Variants in MTFR1L observed in about 807,000 individuals in gnomAD.
The protein encoded by MTFR1L is mitochondrial fission regulator 1-like.
In MTFR1L, 10 loss-of-function variants were observed where a neutral mutation model predicts 27.9. The ratio of observed to expected loss-of-function variants is 0.36; its 90% CI spans 0.22 to 0.61. The LOEUF (loss-of-function observed/expected upper bound fraction) is 0.61, where lower values mean the gene tolerates loss of function less well. MTFR1L is among the 20% of genes least tolerant of loss of function. The pLI, the probability that MTFR1L is intolerant of heterozygous loss-of-function variation, is 0.73. For synonymous variants in MTFR1L, 151 were observed against 139.4 expected (o/e 1.08, Z -0.58); for missense variants, 315 against 363.7 (o/e 0.87, Z 1.09).
chr1:25,824,796 A>G (rs2048147018), intron 3 of MTFR1L, among the ~76,000 whole-genome samples: 1 of 151,992 alleles, frequency 6.6e-6, no homozygotes, highest in Non-Finnish European at 1.5e-5. Context: ...GGAGACAGCT[A>G]GGGAGTGTGG....
At chr1:25,823,431 C>T (rs2048125664) in intron 2 of MTFR1L, 1 of 769,704 alleles carries the variant, frequency 1.3e-6, no homozygotes, top group Non-Finnish European at 2.2e-6. Flanking sequence ...ACTGCCTTAG[C>T]AGCAGCAGGT....
intron 1 of MTFR1L, chr1:25,822,721 C>A: frequency 2.1e-6 from 1 of 468,854 alleles, no homozygotes; most frequent in Non-Finnish European, 3.7e-6. Flanking sequence ...AGAGACAGGG[C>A]TTCACTGTGT....
In MTFR1L at chr1:25,826,183, C is replaced by G. The variant is rs575308023; in HGVS notation, c.130-119C>G. On this transcript the variant is annotated intron_variant, in intron 3 of 6. Coordinates refer to ENST00000374303, the MANE Select transcript of MTFR1L (RefSeq NM_001099625.2). This position sits in a 1 kb window ranked among gnomAD's most constrained non-coding sequence, Gnocchi z 4.1. ...TTCGACCAGGAACCTTCTTCTGCCCCCTCTAGGAAGCCTTCCTGACACCCA... is the reference window on the plus strand; with the variant it reads ...TTCGACCAGGAACCTTCTTCTGCCCGCTCTAGGAAGCCTTCCTGACACCCA... The G allele has an allele frequency of 4.7e-5, 36 of 768,900 alleles. No homozygotes were observed. The East Asian group carries it at 7.9e-4, about 17-fold the overall frequency. The allele number at this position is 768,900 out of a possible 1,614,324, so 47.6% of individuals were successfully genotyped here.
In MTFR1L at chr1:25,826,093, C is replaced by G; in HGVS notation, c.130-209C>G. 1 of 520,624 alleles carries G rather than the reference C, an allele frequency of 1.9e-6. No homozygotes were observed. Among genetic ancestry groups the G allele is most frequent in the Non-Finnish European group, 3.5e-6 (1 of 289,078 alleles). 32.3% of individuals were successfully genotyped at this position (520,624 alleles called of 1,614,324 possible). On this transcript the variant is annotated intron_variant, in intron 3 of 6. Transcript: ENST00000374303. This position sits in a 1 kb window ranked among gnomAD's most constrained non-coding sequence, Gnocchi z 4.1. The stretch of plus-strand genomic sequence containing the variant: ...CAAGCATTCTGCCTGCCTCGGCCTC[C>G]CAAATGCTGGGATTACAGGTGTGAG...
intron 6 of MTFR1L, among the ~76,000 whole-genome samples, chr1:25,831,009 A>G (rs2048232116): frequency 1.3e-5 from 2 of 152,130 alleles, no homozygotes; most frequent in African/African-American, 4.8e-5. Flanking sequence ...TTGACTCTCA[A>G]ACTTTCTCTT....
intron 6 of MTFR1L, 93 bp downstream of exon 6, chr1:25,829,923 GTAGTACCA>G: frequency 8.5e-7 from 1 of 1,181,162 alleles, no homozygotes; most frequent in Non-Finnish European, 1.2e-6. Flanking sequence ...TAAGTTCTTA[GTAGTACCA>G]TATGTTATGT....
At position 25,832,840 on chromosome 1, in the gene MTFR1L, G is replaced by GACTC. The variant is rs1436302987; in HGVS notation, c.*816_*819dup. On this transcript the variant is annotated 3_prime_UTR_variant, in exon 7 of 7. Transcript: ENST00000374303. ...GGTTTGTATGTACCACACCATGCATGACTCAGATGCCCTCAGGTCCCTTTC... is the reference window on the plus strand; with the variant it reads ...GGTTTGTATGTACCACACCATGCATGACTCACTCAGATGCCCTCAGGTCCCTTTC... The GACTC allele has an allele frequency of 6.5e-6, 1 of 153,882 alleles. No individual in the cohort carries two copies. The highest frequency in any genetic ancestry group is 1.4e-5 in the Non-Finnish European group (1 of 68,980). 9.5% of individuals were successfully genotyped at this position (153,882 alleles called of 1,614,324 possible).
chr1:25,823,891 T>C (rs2048133563), intron 3 of MTFR1L, 143 bp downstream of exon 3: 6 of 1,111,878 alleles, frequency 5.4e-6, no homozygotes, highest in Non-Finnish European at 7.5e-6. Flanking sequence ...TTATAAGATA[T>C]CCTGGTCACT....
chr1:25,823,550 G>GA (rs1417670697), intron 2 of MTFR1L, 94 bp from the exon 3 acceptor site: 10 of 1,543,448 alleles, frequency 6.5e-6, no homozygotes, highest in Non-Finnish European at 8.8e-6. Flanking sequence ...TAGGTTTGTG[G>GA]AATTCAGTCT....
Position 25,829,545 on chromosome 1 carries a change from G to C in MTFR1L, c.488G>C (p.Gly163Ala), listed in dbSNP as rs772842714. 1.2e-6 allele frequency: 2 copies of C among 1,614,026 alleles called. No individual in the cohort carries two copies. The highest frequency in any genetic ancestry group is 3.3e-5 in the Admixed American group (2 of 59,994). Residue 163 changes from glycine (G) to alanine (A), a missense_variant, in exon 6 of 7, where the codon GGA becomes GCA. Physicochemically the swap from Gly to Ala is moderately conservative, Grantham distance 60 (BLOSUM62 0). Transcript: ENST00000374303. ...TTAACGCCAGATTTCTTATCTCCAG[G>C]AAGTTCAAATGTCTCTTCTCCCTTA... ...ASLTPDFLSP[G>A]SSNVSSPLPC...
At chr1:25,820,187 G>A (rs748602342) in intron 1 of MTFR1L, 158 bp downstream of exon 1, 13 of 453,868 alleles carry the variant, frequency 2.9e-5, no homozygotes, top group Admixed American at 1.9e-4. Context: ...TGGCCCGGGG[G>A]AAACTGAGTC....
In MTFR1L at chr1:25,826,235, T is replaced by A; in HGVS notation, c.130-67T>A. Reference sequence around the variant, plus strand: ...TGCCGGATTAGGTACCCCTCCTGTGTATTCTGCAGTTTCTGATTGGCTCAT... The same window carrying A: ...TGCCGGATTAGGTACCCCTCCTGTGAATTCTGCAGTTTCTGATTGGCTCAT... On this transcript the variant is annotated intron_variant, in intron 3 of 6. Coordinates refer to ENST00000374303, the MANE Select transcript of MTFR1L (RefSeq NM_001099625.2). This position sits in a 1 kb window ranked among gnomAD's most constrained non-coding sequence, Gnocchi z 4.1. The A allele has an allele frequency of 4.4e-6, 6 of 1,371,238 alleles. No homozygotes were observed. Among genetic ancestry groups the A allele is most frequent in the Middle Eastern group, 1.8e-4 (1 of 5,574 alleles). The allele number at this position is 1,371,238 out of a possible 1,614,324, so 84.9% of individuals were successfully genotyped here. A position where few individuals can be genotyped will look rare whatever the true frequency, so the allele number is the denominator to read the frequency against.
intron 5 of MTFR1L, 111 bp from the exon 6 acceptor site, chr1:25,829,398 C>A: frequency 3.1e-6 from 3 of 981,598 alleles, no homozygotes; most frequent in Non-Finnish European, 4.6e-6. Flanking sequence ...CCCAGATTGT[C>A]ATGGTGTCAG....
rs576780321 is a variant in MTFR1L at position 25,820,608 on chromosome 1, C to A, written c.-87+579C>A. The A allele has an allele frequency of 1.2e-5, 5 of 400,164 alleles. No individual in the cohort carries two copies. In the East Asian group the frequency reaches 4.5e-4, roughly 36 times the overall value. 24.8% of individuals were successfully genotyped at this position (400,164 alleles called of 1,614,324 possible). On this transcript the variant is annotated intron_variant, in intron 1 of 6. Coordinates refer to ENST00000374303, the MANE Select transcript of MTFR1L (RefSeq NM_001099625.2). ...AGGAGCTCCCGTTCTCCTGAGGGGACGCCTGTCAGCAGACAGCAACTGCAG... is the reference window on the plus strand; with the variant it reads ...AGGAGCTCCCGTTCTCCTGAGGGGAAGCCTGTCAGCAGACAGCAACTGCAG...
At position 25,829,799 on chromosome 1, in the gene MTFR1L, G is replaced by C; in HGVS notation, c.742G>C (p.Asp248His). ...TGCAGACATGATGGGTATCCTGAAG[G>C]ACTTTCACCGAATGAAACAGAGTCA... is the stretch of plus-strand genomic sequence containing the variant. ...SFADMMGILK[D>H]FHRMKQSQDL... Residue 248 changes from aspartate to histidine, a missense_variant, in exon 6 of 7, where the codon GAC becomes CAC. Coordinates refer to ENST00000374303, the MANE Select transcript of MTFR1L (RefSeq NM_001099625.2). 1.2e-6 allele frequency: 2 copies of C among 1,605,018 alleles called. No individual in the cohort carries two copies. Among genetic ancestry groups the C allele is most frequent in the Non-Finnish European group, 8.5e-7 (1 of 1,179,134 alleles).
At chr1:25,821,904 CTG>C (rs1465581680) in intron 1 of MTFR1L, 1 of 152,290 alleles carries the variant, frequency 6.6e-6, no homozygotes, top group Non-Finnish European at 1.5e-5. Flanking sequence ...GAGAGCATGA[CTG>C]TGTCTTACTC....
In MTFR1L at chr1:25,826,019, G is replaced by A. The variant is rs2048162640; in HGVS notation, c.130-283G>A. 2.9e-6 allele frequency: 1 copy of A among 342,436 alleles called. No homozygotes were observed. The highest frequency in any genetic ancestry group is 4.3e-5 in the Admixed American group (1 of 23,308). The allele number at this position is 342,436 out of a possible 1,614,324, so 21.2% of individuals were successfully genotyped here. On this transcript the variant is annotated intron_variant, in intron 3 of 6. Transcript: ENST00000374303. The surrounding 1 kb of genome is among the most constrained non-coding windows in gnomAD (Gnocchi z 4.1). ...CAGATAATTTTTGTATTTTTTGGTA[G>A]AGGCAGGGTTTTGCCATGTTGCCCA...
chr1:25,829,916 G>A, intron 6 of MTFR1L, 86 bp downstream of exon 6: 3 of 1,184,164 alleles, frequency 2.5e-6, no homozygotes, highest in East Asian at 2.5e-5. Flanking sequence ...TACATAGTAA[G>A]TTCTTAGTAG....
intron 1 of MTFR1L, chr1:25,821,987 G>A (rs1429846303): frequency 1.3e-5 from 2 of 152,278 alleles, no homozygotes; most frequent in African/African-American, 4.8e-5. Flanking sequence ...TGATGAACAA[G>A]TGAATGAACG....
Sources: gnomAD v4.1 joint callset for allele counts (sites outside exome capture counted in the v4.1 genomes callset) on GRCh38, gnomAD v4.1.1 for gene constraint, Gnocchi (gnomAD v3.1) non-coding constraint, MANE v1.5 for transcripts, NCBI Gene and HGNC (gene_info 2026-07-23, HGNC 2026-07-21) for gene names.